TGM2: variants seen among roughly 807,000 people sequenced by gnomAD.
TGM2 encodes the protein transglutaminase 2, also known as protein-glutamine gamma-glutamyltransferase 2.
A neutral mutation model predicts 75.6 loss-of-function variants in TGM2; 53 were observed. That is an observed-to-expected ratio of 0.70 (90% CI 0.56 to 0.88). TGM2 has a LOEUF of 0.88. Among genes scored for constraint, TGM2 ranks in the 40% least tolerant of loss-of-function variants. The pLI is 0.00. For missense variants in TGM2, 842 were observed against 928.5 expected (o/e 0.91, Z 1.21); for synonymous variants, 374 against 381.1 (o/e 0.98, Z 0.22).
intron 5 of TGM2, among the ~76,000 whole-genome samples, chr20:38,147,420 G>A (rs1267134900): frequency 2.0e-5 from 3 of 152,020 alleles, no homozygotes; most frequent in African/African-American, 7.3e-5. Context: ...TGCCAAAGTC[G>A]CTCCCTTCTC....
intron 5 of TGM2, 60 bp from the exon 6 acceptor site, chr20:38,146,954 T>G (rs1464944498): frequency 6.4e-7 from 1 of 1,559,488 alleles, no homozygotes; most frequent in Non-Finnish European, 8.7e-7. Flanking sequence ...CTGTGCCGCC[T>G]GGGTGAGCCT....
At chr20:38,140,563 G>A (rs1050746447) in intron 8 of TGM2, among the ~76,000 whole-genome samples, 2 of 152,178 alleles carry the variant, frequency 1.3e-5, no homozygotes, top group African/African-American at 4.8e-5. Context: ...AGCCTGAGGA[G>A]CACTTAGGAC....
rs1219368442 is a variant in TGM2, at chr20:38,138,261, A to G, written c.1467T>C (p.Phe489=). 6.2e-7 allele frequency: 1 copy of G among 1,614,034 alleles called. No homozygotes were observed. The highest frequency in any genetic ancestry group is 2.2e-5 in the East Asian group (1 of 44,880). The change falls in exon 10 of 13, where the codon TTT becomes TTC. Residue 489 remains phenylalanine (F), a synonymous_variant. Transcript: ENST00000361475. The part of the protein sequence containing the change: ...VGQSMNMGSD[F]DVFAHITNNT... ...TGTTGGTGATGTGGGCAAAGACGTCAAAGTCACTGCCCATGTTCATGCTCT... is the reference window on the plus strand; with the variant it reads ...TGTTGGTGATGTGGGCAAAGACGTCGAAGTCACTGCCCATGTTCATGCTCT...
In TGM2 at chr20:38,151,025, G is replaced by T; in HGVS notation, c.466C>A (p.Arg156=). ...DAVYLDSEEE[R]QEYVLTQQGF... ...TGCTGGGTGAGGACATACTCCTGCCGCTCCTCTTCCGAGTCCAGGTACACA... is the reference window on the plus strand; with the variant it reads ...TGCTGGGTGAGGACATACTCCTGCCTCTCCTCTTCCGAGTCCAGGTACACA... Residue 156 remains arginine (R), a synonymous_variant, in exon 4 of 13, where the codon CGG becomes AGG. Transcript: ENST00000361475. The T allele has an allele frequency of 6.2e-7, 1 of 1,614,068 alleles. No homozygotes were observed. The highest frequency in any genetic ancestry group is 8.5e-7 in the Non-Finnish European group (1 of 1,179,968).
intron 4 of TGM2, among the ~76,000 whole-genome samples, chr20:38,150,033 A>G (rs2075098443): frequency 6.6e-6 from 1 of 152,078 alleles, no homozygotes; most frequent in African/African-American, 2.4e-5. Flanking sequence ...CTCAGGGTGA[A>G]CCCCACCCCA....
At position 38,138,351 on chromosome 20, in the gene TGM2, C is replaced by G. The variant is rs780730117; in HGVS notation, c.1377G>C (p.Ala459=). ...TCTCGGCCAGTTTGTTCAGGTGGTTCGCCCTTGTGAAGGCCTCCCTCTCCT... is the reference window on the plus strand; with the variant it reads ...TCTCGGCCAGTTTGTTCAGGTGGTTGGCCCTTGTGAAGGCCTCCCTCTCCT... The part of the protein sequence containing the change: ...SSEEREAFTR[A]NHLNKLAEKE... The change falls in exon 10 of 13, where the codon GCG becomes GCC. Residue 459 remains alanine (A), a synonymous_variant. Transcript: ENST00000361475. 2 of 1,614,110 alleles carry G rather than the reference C, an allele frequency of 1.2e-6. No individual in the cohort carries two copies. Among genetic ancestry groups the G allele is most frequent in the East Asian group, 2.2e-5 (1 of 44,880 alleles).
At position 38,155,838 on chromosome 20, in the gene TGM2, G is replaced by A. The variant is rs1370287931; in HGVS notation, c.433+9C>T. The A allele has an allele frequency of 6.3e-7, 1 of 1,594,762 alleles. No individual in the cohort carries two copies. The highest frequency in any genetic ancestry group is 8.5e-7 in the Non-Finnish European group (1 of 1,171,542). Reference sequence around the variant, plus strand: ...CCCCAACGCTGTGAGTGGATGGCGTGTGGCTCACCTGGGCACCAGGCGTTG... The same window carrying A: ...CCCCAACGCTGTGAGTGGATGGCGTATGGCTCACCTGGGCACCAGGCGTTG... On this transcript the variant is annotated intron_variant, in intron 3 of 12. Coordinates refer to ENST00000361475, the MANE Select transcript of TGM2 (RefSeq NM_004613.4).
intron 1 of TGM2, among the ~76,000 whole-genome samples, chr20:38,161,834 C>T (rs189876634): frequency 2.7e-4 from 41 of 152,270 alleles, no homozygotes; most frequent in Non-Finnish European, 4.7e-4. Context: ...TGCTTTGTTG[C>T]CCAGGCTGGA....
intron 1 of TGM2, among the ~76,000 whole-genome samples, chr20:38,162,043 A>G (rs1305433148): frequency 6.6e-6 from 1 of 151,776 alleles, no homozygotes; most frequent in African/African-American, 2.4e-5. Flanking sequence ...CTGCTCTCGA[A>G]CTCCTGGGCC....
intron 2 of TGM2, among the ~76,000 whole-genome samples, chr20:38,159,635 G>C (rs987214903): frequency 6.6e-6 from 1 of 152,220 alleles, no homozygotes; most frequent in Non-Finnish European, 1.5e-5. Context: ...ACTGAGCCCT[G>C]GCAGGCACTT....
chr20:38,162,825 G>C (rs1214283758), intron 1 of TGM2, among the ~76,000 whole-genome samples: 4 of 152,168 alleles, frequency 2.6e-5, no homozygotes, highest in African/African-American at 7.2e-5. Context: ...GGTCAGTGCT[G>C]GGTGATGAGG....
intron 3 of TGM2, 104 bp downstream of exon 3, chr20:38,155,743 T>G (rs766807198): frequency 2.9e-5 from 43 of 1,471,644 alleles, no homozygotes; most frequent in Non-Finnish European, 3.9e-5. Context: ...TCCACTTTGA[T>G]GTGTGTCTCT....
intron 9 of TGM2, 70 bp from the exon 10 acceptor site, chr20:38,138,455 G>T: frequency 6.2e-7 from 1 of 1,608,836 alleles, no homozygotes. Context: ...GCAACAGGGC[G>T]AGCTGTCTTC....
At chr20:38,138,701 T>C (rs2076387) in intron 9 of TGM2, among the ~76,000 whole-genome samples, 19,969 of 152,212 alleles carry the variant, frequency 0.13, 1,517 homozygotes, top group East Asian at 0.28. Context: ...GTGTTTTACT[T>C]ATCCAGTGCC....
At chr20:38,168,301 C>T (rs1433792009), upstream of TGM2, among the ~76,000 whole-genome samples, 1 of 152,238 alleles carries the variant, frequency 6.6e-6, no homozygotes, top group East Asian at 1.9e-4. Flanking sequence ...AGTGACCAGG[C>T]ACCCTTGCCC....
At position 38,128,998 on chromosome 20, in the gene TGM2, G is replaced by C. The variant is rs891108354; in HGVS notation, c.*1221C>G. 2.6e-5 allele frequency: 4 copies of C among 152,406 alleles called. No homozygotes were observed. The highest frequency in any genetic ancestry group is 9.7e-5 in the African/African-American group (4 of 41,424). 9.4% of individuals were successfully genotyped at this position (152,406 alleles called of 1,614,324 possible). ...CCAGGGCTCTTCTCCCCTAGAACTGGGGTCTGAAGGGTGGTACCTGGGCAT... is the reference window on the plus strand; with the variant it reads ...CCAGGGCTCTTCTCCCCTAGAACTGCGGTCTGAAGGGTGGTACCTGGGCAT... On this transcript the variant is annotated 3_prime_UTR_variant, in exon 13 of 13. Coordinates refer to ENST00000361475, the MANE Select transcript of TGM2 (RefSeq NM_004613.4).
chr20:38,161,275 G>C, intron 2 of TGM2, 145 bp downstream of exon 2: 1 of 1,105,218 alleles, frequency 9.0e-7, no homozygotes, highest in South Asian at 1.4e-5. Context: ...CTCTAAAATG[G>C]GGCTGATGAC....
chr20:38,160,377 G>A (rs1199680943), intron 2 of TGM2, among the ~76,000 whole-genome samples: 2 of 152,180 alleles, frequency 1.3e-5, no homozygotes, highest in Non-Finnish European at 2.9e-5. Context: ...TGCGCATCAC[G>A]CATCTGGGGA....
At chr20:38,161,712 A>C (rs1600522554) in intron 1 of TGM2, 113 bp from the exon 2 acceptor site, 1 of 1,299,894 alleles carries the variant, frequency 7.7e-7, no homozygotes, top group Non-Finnish European at 1.1e-6. Flanking sequence ...CCCACAAAGC[A>C]CAGCCATTGT....
Sources: gnomAD v4.1 joint callset for allele counts (sites outside exome capture counted in the v4.1 genomes callset) on GRCh38, gnomAD v4.1.1 for gene constraint, MANE v1.5 for transcripts, NCBI Gene and HGNC (gene_info 2026-07-23, HGNC 2026-07-21) for gene names.